The following CACNA1D variants were observed in gnomAD, a reference collection of about 807,000 sequenced individuals.
CACNA1D encodes voltage-dependent L-type calcium channel subunit alpha-1D.
In CACNA1D, 55 loss-of-function variants were observed where a neutral mutation model predicts 257.1. That is an observed-to-expected ratio of 0.21 (90% CI 0.17 to 0.27). The LOEUF is 0.27. Ranked by LOEUF, CACNA1D falls within the 10% of genes least tolerant of loss-of-function variation. The pLI, the probability that CACNA1D is intolerant of heterozygous loss-of-function variation, is 1.00. For missense variants in CACNA1D, 1,876 were observed against 2,784.0 expected (o/e 0.67, Z 7.34); for synonymous variants, 980 against 1,014.9 (o/e 0.97, Z 0.65).
chr3:53,670,452 C>T (rs1324522541), intron 7 of CACNA1D, among the ~76,000 whole-genome samples: 1 of 152,162 alleles, frequency 6.6e-6, no homozygotes, highest in Non-Finnish European at 1.5e-5. Context: ...TCAAGCGATT[C>T]TCGTGCCTCA....
intron 3 of CACNA1D, among the ~76,000 whole-genome samples, chr3:53,597,079 A>G (rs2093380308): frequency 6.6e-6 from 1 of 152,236 alleles, no homozygotes; most frequent in East Asian, 1.9e-4. Context: ...ATGTCTGTGT[A>G]TGTCATTTAA....
At chr3:53,767,094 G>A (rs2095337032) in intron 30 of CACNA1D, among the ~76,000 whole-genome samples, 1 of 152,152 alleles carries the variant, frequency 6.6e-6, no homozygotes, top group African/African-American at 2.4e-5. Flanking sequence ...CCACTGTTCA[G>A]CCACAGCAGC....
At chr3:53,797,448 C>G (rs2095512878) in intron 40 of CACNA1D, among the ~76,000 whole-genome samples, 1 of 152,190 alleles carries the variant, frequency 6.6e-6, no homozygotes, top group African/African-American at 2.4e-5. Flanking sequence ...ATTTCTGACT[C>G]TCTGCTTCTG....
intron 3 of CACNA1D, among the ~76,000 whole-genome samples, chr3:53,568,491 A>T (rs1432169054): frequency 6.6e-6 from 1 of 152,150 alleles, no homozygotes; most frequent in Non-Finnish European, 1.5e-5. Flanking sequence ...CCACTGCCAC[A>T]TCCCCCTGCC....
intron 43 of CACNA1D, among the ~76,000 whole-genome samples, chr3:53,802,788 TC>T (rs1485151000): frequency 6.6e-6 from 1 of 152,160 alleles, no homozygotes; most frequent in Admixed American, 6.5e-5. Flanking sequence ...GTGCCATCCT[TC>T]CTTTGGAGAG....
chr3:53,623,714 T>C (rs1310365242), intron 3 of CACNA1D, among the ~76,000 whole-genome samples: 3 of 152,020 alleles, frequency 2.0e-5, no homozygotes, highest in African/African-American at 7.3e-5. Flanking sequence ...TTCAGAAGAA[T>C]ACTTCCAGCG....
In CACNA1D at chr3:53,781,355, G is replaced by A. The variant is rs76650650; in HGVS notation, c.4691-211G>A. On this transcript the variant is annotated intron_variant, in intron 38 of 47. Transcript: ENST00000350061. ...AGGGTGAACCGTGTTTGTTCCCATG[G>A]TGGAGGGACTTCCCACTGGGAAGGC... 0.011 allele frequency among the ~76,000 whole-genome samples: 1,714 copies of A among 152,292 alleles called. 47 individuals are homozygous for A. Among genetic ancestry groups the A allele is most frequent in the African/African-American group, 0.04 (1,648 of 41,548 alleles).
rs1390841142 is a variant in CACNA1D at position 53,759,806 on chromosome 3, G to A, written c.3787-2192G>A. ...TTGTTAGGAGACTTCTTGGACGAAG[G>A]AAACTGCTGTGTTCCCTTACAACCT... is the stretch of plus-strand genomic sequence containing the variant. On this transcript the variant is annotated intron_variant, in intron 29 of 47. Transcript: ENST00000350061. 3.3e-5 allele frequency among the ~76,000 whole-genome samples: 5 copies of A among 152,348 alleles called. No individual in the cohort carries two copies. The East Asian group carries it at 9.6e-4, about 29-fold the overall frequency.
At chr3:53,500,129 C>T (rs1193644540) in intron 2 of CACNA1D, among the ~76,000 whole-genome samples, 4 of 151,676 alleles carry the variant, frequency 2.6e-5, no homozygotes, top group Admixed American at 1.3e-4. Flanking sequence ...CAGTGGCTCA[C>T]GCCTGTAATT....
intron 3 of CACNA1D, among the ~76,000 whole-genome samples, chr3:53,606,818 A>T (rs1312442855): frequency 1.3e-5 from 2 of 152,212 alleles, no homozygotes; most frequent in African/African-American, 4.8e-5. Context: ...CTATCTAGTC[A>T]GTCCTCACCC....
intron 3 of CACNA1D, among the ~76,000 whole-genome samples, chr3:53,640,050 T>G (rs1287727358): frequency 1.3e-5 from 2 of 151,830 alleles, no homozygotes; most frequent in Non-Finnish European, 2.9e-5. Flanking sequence ...TTAGTAGAGA[T>G]AGGTTTCACC....
rs549146460 is a variant in CACNA1D, at chr3:53,780,787, A to C, written c.4690+659A>C. Among the ~76,000 whole-genome samples the C allele has an allele frequency of 7.9e-5, 12 of 152,278 alleles. No individual in the cohort carries two copies. The South Asian group carries it at 1.7e-3, about 21-fold the overall frequency. ...ATGGAGAGCAGATTGCAACAGGCTGAGGAGTGACCAGGAGGTGGGGGGAGG... is the reference window on the plus strand; with the variant it reads ...ATGGAGAGCAGATTGCAACAGGCTGCGGAGTGACCAGGAGGTGGGGGGAGG... On this transcript the variant is annotated intron_variant, in intron 38 of 47. Transcript: ENST00000350061.
At chr3:53,691,162 TG>T (rs57745542) in intron 8 of CACNA1D, among the ~76,000 whole-genome samples, 17,341 of 147,404 alleles carry the variant, frequency 0.12, 1,249 homozygotes, top group East Asian at 0.22. Flanking sequence ...TTTTTTTTTT[TG>T]GGGGGGAGAT....
chr3:53,670,564 G>A (rs532837055), intron 7 of CACNA1D, among the ~76,000 whole-genome samples: 13 of 152,140 alleles, frequency 8.5e-5, no homozygotes, highest in Admixed American at 5.2e-4. Flanking sequence ...GGCTGGTCTC[G>A]AACTCCCAAA....
intron 3 of CACNA1D, among the ~76,000 whole-genome samples, chr3:53,573,246 C>T (rs928295919): frequency 6.6e-6 from 1 of 152,140 alleles, no homozygotes. Context: ...CAACTGCTGG[C>T]AGGAAAGGGC....
In CACNA1D at chr3:53,808,923, A is replaced by G. The variant is rs555500223; in HGVS notation, c.5871+153A>G. ...TTAATCTTTGTAACAATCCTGTCAA[A>G]TAGCTATGGCCATGAGTCCCATGCT... On this transcript the variant is annotated intron_variant, in intron 46 of 47. Transcript: ENST00000350061. 3.8e-6 allele frequency: 3 copies of G among 786,102 alleles called. No homozygotes were observed. In the South Asian group the frequency reaches 5.3e-5, roughly 14 times the overall value. The allele number at this position is 786,102 out of a possible 1,614,324, so 48.7% of individuals were successfully genotyped here.
In CACNA1D at chr3:53,751,700, T is replaced by C; in HGVS notation, c.3517-49T>C. The C allele has an allele frequency of 1.2e-6, 2 of 1,604,748 alleles. No individual in the cohort carries two copies. Among genetic ancestry groups the C allele is most frequent in the South Asian group, 2.2e-5 (2 of 90,880 alleles). On this transcript the variant is annotated intron_variant, in intron 27 of 47. Transcript: ENST00000350061. The surrounding 1 kb of genome is among the most constrained non-coding windows in gnomAD (Gnocchi z 4.3). ...GAGCAGATGACCACGGGGTCCTCCT[T>C]CCCTGCAAGTGCTCAGAACCCCGTT... is the stretch of plus-strand genomic sequence containing the variant.
chr3:53,543,691 C>T (rs1212668198), intron 3 of CACNA1D, among the ~76,000 whole-genome samples: 1 of 152,184 alleles, frequency 6.6e-6, no homozygotes, highest in Admixed American at 6.5e-5. Context: ...TTATTTAGCT[C>T]TCAGAATCAC....
chr3:53,801,655 G>A (rs2095536767), intron 42 of CACNA1D, among the ~76,000 whole-genome samples: 1 of 152,120 alleles, frequency 6.6e-6, no homozygotes, highest in Non-Finnish European at 1.5e-5. Flanking sequence ...TCCTGTGTGG[G>A]GTGCCGAGGG....
Sources: allele counts gnomAD v4.1 joint callset (sites outside exome capture counted in the v4.1 genomes callset), GRCh38; gene constraint gnomAD v4.1.1; non-coding constraint Gnocchi (gnomAD v3.1); transcripts MANE v1.5; gene names NCBI Gene and HGNC (gene_info 2026-07-23, HGNC 2026-07-21).